Variants in FHIT observed in about 807,000 individuals in gnomAD.
The protein encoded by FHIT is fragile histidine triad diadenosine triphosphatase.
FHIT carries 19 observed loss-of-function variants against 17.9 expected under a neutral mutation model. The observed-to-expected ratio is 1.06, with a 90% CI of 0.74 to 1.56. The LOEUF (loss-of-function observed/expected upper bound fraction) is 1.56, where lower values mean the gene tolerates loss of function less well. FHIT is among the 40% of genes most tolerant of loss of function. The pLI is 0.00. For missense variants in FHIT, 248 were observed against 189.2 expected, an observed-to-expected ratio of 1.31 and a Z score of -1.82; for synonymous variants, 81 against 69.7, an observed-to-expected ratio of 1.16 and a Z score of -0.81.
intron 8 of FHIT, among the ~76,000 whole-genome samples, chr3:59,884,344 T>A (rs527682438): frequency 1.3e-5 from 2 of 152,296 alleles, no homozygotes; most frequent in East Asian, 3.9e-4. Context: ...TGTGGATATA[T>A]GTTTTTATAT....
intron 5 of FHIT, among the ~76,000 whole-genome samples, chr3:60,268,133 C>G (rs1706679671): frequency 6.6e-6 from 1 of 152,128 alleles, no homozygotes; most frequent in African/African-American, 2.4e-5. Flanking sequence ...AAGGTAACTA[C>G]AAAAAGCTTT....
intron 5 of FHIT, among the ~76,000 whole-genome samples, chr3:60,437,595 C>T (rs1475967143): frequency 1.3e-5 from 2 of 151,996 alleles, no homozygotes; most frequent in East Asian, 3.9e-4. Flanking sequence ...ACCCTATAAG[C>T]TGGGTGTTCT....
At chr3:60,860,120 A>ATGATATATCTTATATATGATATATAT (rs1559777931) in intron 3 of FHIT, among the ~76,000 whole-genome samples, 1 of 102,032 alleles carries the variant, frequency 9.8e-6, no homozygotes, top group African/African-American at 3.7e-5. Flanking sequence ...ATGATATATA[A>ATGATATATCTTATATATGATATATAT]ATGATATATC....
intron 4 of FHIT, among the ~76,000 whole-genome samples, chr3:60,621,322 G>A (rs1318457365): frequency 6.6e-6 from 1 of 151,430 alleles, no homozygotes; most frequent in Non-Finnish European, 1.5e-5. Flanking sequence ...CTACTTTTTT[G>A]TATTTTTAGT....
chr3:61,000,573 C>CT (rs2107602593), intron 3 of FHIT, among the ~76,000 whole-genome samples: 2 of 152,218 alleles, frequency 1.3e-5, no homozygotes, highest in South Asian at 4.1e-4. Context: ...TTCTCTACTC[C>CT]TTCCCTCTAA....
At chr3:60,409,294 G>A (rs564004193) in intron 5 of FHIT, among the ~76,000 whole-genome samples, 2 of 152,246 alleles carry the variant, frequency 1.3e-5, no homozygotes, top group African/African-American at 4.8e-5. Context: ...CATAAATCCT[G>A]GAGTAATCAT....
chr3:59,954,220 T>TG, intron 7 of FHIT, among the ~76,000 whole-genome samples: 1 of 100,946 alleles, frequency 9.9e-6, no homozygotes, highest in African/African-American at 5.0e-5. Context: ...TATTTTGTTC[T>TG]GTTTTTTTTT....
At position 60,836,313 on chromosome 3, in the gene FHIT, T is replaced by G. The variant is rs375037317; in HGVS notation, c.-110-14302A>C. On this transcript the variant is annotated intron_variant, in intron 3 of 9. Coordinates refer to ENST00000492590, the MANE Select transcript of FHIT (RefSeq NM_002012.4). Reference sequence around the variant, plus strand: ...TCCTAAAATGAATTGCGAAGTGTTCTCTCCTATTTTCTGGAAGAGACTGTA... The same window carrying G: ...TCCTAAAATGAATTGCGAAGTGTTCGCTCCTATTTTCTGGAAGAGACTGTA... Among the ~76,000 whole-genome samples the G allele has an allele frequency of 6.6e-5, 10 of 152,324 alleles. No homozygotes were observed. The East Asian group carries it at 1.5e-3, about 23-fold the overall frequency.
chr3:60,369,557 T>G (rs1035513961), intron 5 of FHIT, among the ~76,000 whole-genome samples: 2 of 152,200 alleles, frequency 1.3e-5, no homozygotes, highest in African/African-American at 4.8e-5. Flanking sequence ...TTTGTGGCAG[T>G]TAAATTATTG....
At chr3:59,940,921 T>C (rs568336370) in intron 7 of FHIT, among the ~76,000 whole-genome samples, 1 of 152,254 alleles carries the variant, frequency 6.6e-6, no homozygotes, top group Non-Finnish European at 1.5e-5. Flanking sequence ...ATTTCTATAT[T>C]ACATATAAAC....
intron 4 of FHIT, among the ~76,000 whole-genome samples, chr3:60,594,953 T>C (rs1305617356): frequency 6.6e-6 from 1 of 152,114 alleles, no homozygotes; most frequent in African/African-American, 2.4e-5. Flanking sequence ...TTCCTCATTA[T>C]TTCTATTCCT....
intron 5 of FHIT, among the ~76,000 whole-genome samples, chr3:60,482,221 A>G (rs2033639451): frequency 6.6e-6 from 1 of 152,190 alleles, no homozygotes; most frequent in South Asian, 2.1e-4. Flanking sequence ...CCACACAATA[A>G]TAGTGGGAGA....
intron 5 of FHIT, among the ~76,000 whole-genome samples, chr3:60,404,254 A>G (rs762414968): frequency 6.6e-6 from 1 of 152,208 alleles, no homozygotes; most frequent in Non-Finnish European, 1.5e-5. Flanking sequence ...ACACTCCACC[A>G]GTAACAAGAA....
rs1036145456 is a variant in FHIT, at chr3:61,152,775, T to C, written c.-164+47842A>G. Among the ~76,000 whole-genome samples, 3 of 151,090 alleles carry C rather than the reference T, an allele frequency of 2.0e-5. No homozygotes were observed. The Admixed American group carries it at 2.0e-4, about 10-fold the overall frequency. ...TTTATAAGATCAGTATGGCATCTAA[T>C]GAGAAATGGATTGGAGGTAGGAAAG... On this transcript the variant is annotated intron_variant, in intron 2 of 9. Coordinates refer to ENST00000492590, the MANE Select transcript of FHIT (RefSeq NM_002012.4).
chr3:60,701,927 G>A (rs782296468), intron 4 of FHIT, among the ~76,000 whole-genome samples: 36 of 152,212 alleles, frequency 2.4e-4, no homozygotes, highest in Admixed American at 6.5e-4. Context: ...AAGCTTGGAG[G>A]TTAGAAGCAA....
chr3:60,271,168 G>A (rs1706850019), intron 5 of FHIT, among the ~76,000 whole-genome samples: 1 of 152,112 alleles, frequency 6.6e-6, no homozygotes, highest in Non-Finnish European at 1.5e-5. Flanking sequence ...GGGAAACAAA[G>A]GTGGGCAGAT....
chr3:60,642,933 C>G (rs183613772), intron 4 of FHIT, among the ~76,000 whole-genome samples: 1 of 152,158 alleles, frequency 6.6e-6, no homozygotes, highest in Non-Finnish European at 1.5e-5. Flanking sequence ...AGGTCAAAGC[C>G]CCTAAGACAT....
At chr3:60,878,169 A>C (rs782164597) in intron 3 of FHIT, among the ~76,000 whole-genome samples, 12 of 152,056 alleles carry the variant, frequency 7.9e-5, no homozygotes, top group Non-Finnish European at 1.5e-4. Context: ...CCACTGAATC[A>C]AAGCTGGTAG....
intron 1 of FHIT, among the ~76,000 whole-genome samples, chr3:61,211,372 G>C (rs2039465496): frequency 6.6e-6 from 1 of 152,180 alleles, no homozygotes; most frequent in Non-Finnish European, 1.5e-5. Flanking sequence ...TGGCTCGAAG[G>C]GTCCTATGCC....
Sources: allele counts gnomAD v4.1 joint callset (sites outside exome capture counted in the v4.1 genomes callset), GRCh38; gene constraint gnomAD v4.1.1; transcripts MANE v1.5; gene names NCBI Gene and HGNC (gene_info 2026-07-23, HGNC 2026-07-21).